Variants in SEMA6B observed in about 807,000 individuals in gnomAD.
SEMA6B encodes semaphorin-6B.
A neutral mutation model predicts 78.6 loss-of-function variants in SEMA6B; 47 were observed. The observed-to-expected ratio is 0.60, with a 90% CI of 0.47 to 0.76. The LOEUF is 0.76. Among genes scored for constraint, SEMA6B ranks in the 30% least tolerant of loss-of-function variants. SEMA6B has a pLI of 0.00. For missense variants in SEMA6B, 1,213 were observed against 1,269.9 expected (o/e 0.96, Z 0.68); for synonymous variants, 632 against 592.2 (o/e 1.07, Z -0.98).
chr19:4,546,616 T>C (rs1568253012), intron 14 of SEMA6B, 147 bp from the exon 15 acceptor site: 1 of 441,634 alleles, frequency 2.3e-6, no homozygotes, highest in Non-Finnish European at 3.9e-6. Flanking sequence ...ATTTCGCTCT[T>C]GTTGTTTATT....
chr19:4,542,668 A>C lies in SEMA6B; in HGVS notation c.*933T>G. On this transcript the variant is annotated 3_prime_UTR_variant, in exon 17 of 17. Transcript: ENST00000586582. ...TCCAGAGAGGGCAGAGGACCCAGCC[A>C]GCCACGTGGCATGCATGGTCAGCTG... 1 of 615,594 alleles carries C rather than the reference A, an allele frequency of 1.6e-6. No individual in the cohort carries two copies. The highest frequency in any genetic ancestry group is 3.0e-6 in the Non-Finnish European group (1 of 335,030). The allele number at this position is 615,594 out of a possible 1,614,324, so 38.1% of individuals were successfully genotyped here. A position where few individuals can be genotyped will look rare whatever the true frequency, so the allele number is the denominator to read the frequency against.
At position 4,552,451 on chromosome 19, in the gene SEMA6B, G is replaced by A. The variant is rs2145354185; in HGVS notation, c.960C>T (p.Val320=). Residue 320 remains valine (V), a synonymous_variant, in exon 10 of 17, where the codon GTC becomes GTT. Coordinates refer to ENST00000586582, the MANE Select transcript of SEMA6B (RefSeq NM_032108.4). This position sits in a 1 kb window ranked among gnomAD's most constrained non-coding sequence, Gnocchi z 7.4. ...GVVSLGGRPV[V]LAVFSTPSNS... is the part of the protein sequence containing the mutation. ...TGCTGGGCGTGGAAAAAACGGCCAG[G>A]ACCACGGGCCGGCCCCCGAGGCTGA... is the stretch of plus-strand genomic sequence containing the variant. The A allele has an allele frequency of 1.3e-6, 2 of 1,599,370 alleles. No homozygotes were observed. Among genetic ancestry groups the A allele is most frequent in the Non-Finnish European group, 1.7e-6 (2 of 1,173,756 alleles).
At position 4,552,613 on chromosome 19, in the gene SEMA6B, C is replaced by T; in HGVS notation, c.798G>A (p.Val266=). 6.2e-7 allele frequency: 1 copy of T among 1,610,770 alleles called. No individual in the cohort carries two copies. Among genetic ancestry groups the T allele is most frequent in the Non-Finnish European group, 8.5e-7 (1 of 1,178,568 alleles). Residue 266 remains valine, a synonymous_variant, in exon 10 of 17, where the codon GTG becomes GTA. Transcript: ENST00000586582. This position sits in a 1 kb window ranked among gnomAD's most constrained non-coding sequence, Gnocchi z 7.4. ...EKVVVSRVAR[V]CKNDVGGSPR... ...GGGAGCCTCCCACGTCGTTCTTGCA[C>T]ACTCGGGCCACGCGGGACACCACCA...
At chr19:4,546,934 A>T (rs1157873612) in intron 14 of SEMA6B, among the ~76,000 whole-genome samples, 5 of 145,538 alleles carry the variant, frequency 3.4e-5, no homozygotes, top group Non-Finnish European at 7.5e-5. Flanking sequence ...TTTTAAAATT[A>T]AAAAAATTTT....
In SEMA6B at chr19:4,546,385, G is replaced by C. The variant is rs377369790; in HGVS notation, c.1679+7C>G. The C allele has an allele frequency of 5.1e-6, 8 of 1,583,814 alleles. 1 individual carries two copies. The highest frequency in any genetic ancestry group is 5.2e-6 in the Non-Finnish European group (6 of 1,164,324). ...CACCCTCCACCCACCTCCCTCTCCC[G>C]CAGTACCTGGTGCCCGGGCTGAGGA... On this transcript the variant is annotated splice_region_variant and intron_variant, in intron 15 of 16. Coordinates refer to ENST00000586582, the MANE Select transcript of SEMA6B (RefSeq NM_032108.4).
At position 4,542,609 on chromosome 19, in the gene SEMA6B, T is replaced by G; in HGVS notation, c.*992A>C. The G allele has an allele frequency of 2.1e-6, 1 of 481,374 alleles. No individual in the cohort carries two copies. The highest frequency in any genetic ancestry group is 4.0e-5 in the East Asian group (1 of 24,700). 29.8% of individuals were successfully genotyped at this position (481,374 alleles called of 1,614,324 possible). On this transcript the variant is annotated 3_prime_UTR_variant, in exon 17 of 17. Coordinates refer to ENST00000586582, the MANE Select transcript of SEMA6B (RefSeq NM_032108.4). The stretch of plus-strand genomic sequence containing the variant: ...GGGGGCCGGTGGTTGTAAACAGAGT[T>G]TTATTGATGGGGAGGGGGCTGGGGG...
In SEMA6B at chr19:4,558,438, G is replaced by A; in HGVS notation, c.20C>T (p.Ser7Phe). MQTPRA[S>F]PPRPALLLLL... ...AAGCAGCAGGGCCGGGCGGGGAGGGGACGCTCGCGGGGTCTGCATGGCGAG... is the reference window on the plus strand; with the variant it reads ...AAGCAGCAGGGCCGGGCGGGGAGGGAACGCTCGCGGGGTCTGCATGGCGAG... The change falls in exon 2 of 17, where the codon TCC becomes TTC. Residue 7 changes from serine to phenylalanine, a missense_variant. Ser to Phe is a radical substitution (Grantham distance 155, BLOSUM62 -2). Transcript: ENST00000586582. This position sits in a 1 kb window ranked among gnomAD's most constrained non-coding sequence, Gnocchi z 5.1. The A allele has an allele frequency of 8.0e-7, 1 of 1,252,468 alleles. No homozygotes were observed. Among genetic ancestry groups the A allele is most frequent in the Admixed American group, 4.1e-5 (1 of 24,316 alleles). The allele number at this position is 1,252,468 out of a possible 1,614,324, so 77.6% of individuals were successfully genotyped here. A position where few individuals can be genotyped will look rare whatever the true frequency, so the allele number is the denominator to read the frequency against.
chr19:4,545,509 T>G (rs1977141634), intron 16 of SEMA6B, among the ~76,000 whole-genome samples: 1 of 152,034 alleles, frequency 6.6e-6, no homozygotes, highest in East Asian at 2.0e-4. Flanking sequence ...GGATTATTTT[T>G]GGGTTTTTGT....
At chr19:4,549,633 C>A (rs1365410962) in intron 12 of SEMA6B, among the ~76,000 whole-genome samples, 1 of 152,184 alleles carries the variant, frequency 6.6e-6, no homozygotes, top group South Asian at 2.1e-4. Context: ...CGCCTGCCAC[C>A]ACGCCCAGCT....
chr19:4,543,017 T>C lies in SEMA6B; in HGVS notation c.*584A>G. The C allele has an allele frequency of 2.9e-6, 2 of 691,518 alleles. No homozygotes were observed. The highest frequency in any genetic ancestry group is 5.3e-6 in the Non-Finnish European group (2 of 378,262). The allele number at this position is 691,518 out of a possible 1,614,324, so 42.8% of individuals were successfully genotyped here. On this transcript the variant is annotated 3_prime_UTR_variant, in exon 17 of 17. Coordinates refer to ENST00000586582, the MANE Select transcript of SEMA6B (RefSeq NM_032108.4). The stretch of plus-strand genomic sequence containing the variant: ...CTGGGGCCACCACGATCGTCGCTCG[T>C]GGACACACACCCTGCACGCGTGGCC...
Position 4,543,258 on chromosome 19 carries a change from C to T in SEMA6B, c.*343G>A. The T allele has an allele frequency of 3.8e-6, 2 of 523,962 alleles. No homozygotes were observed. The highest frequency in any genetic ancestry group is 5.8e-5 in the South Asian group (2 of 34,254). 32.5% of individuals were successfully genotyped at this position (523,962 alleles called of 1,614,324 possible). On this transcript the variant is annotated 3_prime_UTR_variant, in exon 17 of 17. Transcript: ENST00000586582. ...CGGCGTCCAAGCCTCCCCTGCCTGC[C>T]GCCACCCCGAGAACGGAGTTGTGCA...
Position 4,550,789 on chromosome 19 carries a change from G to A in SEMA6B, c.1121+10C>T. The A allele has an allele frequency of 1.2e-6, 2 of 1,613,114 alleles. No homozygotes were observed. Among genetic ancestry groups the A allele is most frequent in the Non-Finnish European group, 1.7e-6 (2 of 1,179,902 alleles). On this transcript the variant is annotated intron_variant, in intron 11 of 16. Coordinates refer to ENST00000586582, the MANE Select transcript of SEMA6B (RefSeq NM_032108.4). This position sits in a 1 kb window ranked among gnomAD's most constrained non-coding sequence, Gnocchi z 6.6. ...CCGGGCATGTGACTCAGGATGGAGG[G>A]GGTTCTCACCGGGGTCGAGGCACCT... is the stretch of plus-strand genomic sequence containing the variant.
In SEMA6B at chr19:4,559,532, G is replaced by A. The variant is rs955016657; in HGVS notation, c.-35C>T. 2.0e-5 allele frequency: 3 copies of A among 152,128 alleles called. No homozygotes were observed. The highest frequency in any genetic ancestry group is 7.2e-5 in the African/African-American group (3 of 41,402). 9.4% of individuals were successfully genotyped at this position (152,128 alleles called of 1,614,324 possible). A position where few individuals can be genotyped will look rare whatever the true frequency, so the allele number is the denominator to read the frequency against. On this transcript the variant is annotated splice_region_variant and 5_prime_UTR_variant, in exon 1 of 17. Transcript: ENST00000586582. ...TCCCAGTTCAGAGCACCCCCTACCA[G>A]AAAGGGGTACAGTCCAGGTCCCGGA...
intron 14 of SEMA6B, among the ~76,000 whole-genome samples, chr19:4,547,819 G>A (rs1030205303): frequency 6.7e-5 from 10 of 149,084 alleles, no homozygotes; most frequent in Non-Finnish European, 1.3e-4. Context: ...ACTCCCCCTT[G>A]CTCACTGTGC....
chr19:4,557,085 G>T, intron 4 of SEMA6B, 72 bp from the exon 5 acceptor site: 1 of 1,588,832 alleles, frequency 6.3e-7, no homozygotes, highest in Non-Finnish European at 8.6e-7. Flanking sequence ...GTGCTGGGCC[G>T]AATCCACCCA....
Position 4,550,029 on chromosome 19 carries a change from C to A in SEMA6B, c.1271+94G>T. The A allele has an allele frequency of 1.5e-6, 2 of 1,292,020 alleles. No individual in the cohort carries two copies. The highest frequency in any genetic ancestry group is 2.2e-6 in the Non-Finnish European group (2 of 920,138). The allele number at this position is 1,292,020 out of a possible 1,614,324, so 80.0% of individuals were successfully genotyped here. ...CAGCTCTCTGGGCAGCGCCGGAAGC[C>A]ATGGGCTCATCTGTGTTGAGCATCT... On this transcript the variant is annotated intron_variant, in intron 12 of 16. Transcript: ENST00000586582. This position sits in a 1 kb window ranked among gnomAD's most constrained non-coding sequence, Gnocchi z 6.6.
chr19:4,548,039 G>A lies in SEMA6B; in HGVS notation c.1589C>T (p.Ser530Leu), dbSNP rs1278976496. 35 of 1,565,488 alleles carry A rather than the reference G, an allele frequency of 2.2e-5. No homozygotes were observed. The highest frequency in any genetic ancestry group is 2.7e-5 in the Non-Finnish European group (31 of 1,159,054). The change falls in exon 14 of 17, where the codon TCG becomes TTG. Residue 530 changes from serine to leucine, a missense_variant. By Grantham distance (145) the Ser-to-Leu change is moderately radical. Coordinates refer to ENST00000586582, the MANE Select transcript of SEMA6B (RefSeq NM_032108.4). ...GGTGGACACTCACTTCATACACCCC[G>A]AGTACTGCTGGCAGCGAGCCACAGG... ...RVPVARCQQY[S>L]GCMKNCIGSQ...
In SEMA6B at chr19:4,556,816, G is replaced by A. The variant is rs113768059; in HGVS notation, c.369+135C>T. On this transcript the variant is annotated intron_variant, in intron 5 of 16. Transcript: ENST00000586582. ...TGGCCAGGGCTGGCAGTTGGGCGGG[G>A]CCAGGGCTGATTGGGGGTGGGTTGG... 80 of 757,112 alleles carry A rather than the reference G, an allele frequency of 1.1e-4. No individual in the cohort carries two copies. The African/African-American group carries it at 1.3e-3, about 12-fold the overall frequency. The allele number at this position is 757,112 out of a possible 1,614,324, so 46.9% of individuals were successfully genotyped here. A position where few individuals can be genotyped will look rare whatever the true frequency, so the allele number is the denominator to read the frequency against.
In SEMA6B at chr19:4,544,486, C is replaced by A; in HGVS notation, c.1782G>T (p.Val594=). 1 of 1,592,102 alleles carries A rather than the reference C, an allele frequency of 6.3e-7. No individual in the cohort carries two copies. ...ASLSEDRAGL[V]SVNLLVTSSV... The stretch of plus-strand genomic sequence containing the variant: ...ACGACGTTACCAGCAGGTTCACCGA[C>A]ACCAGCCCCGCGCGGTCCTCGGAGA... The change falls in exon 17 of 17, where the codon GTG becomes GTT. Residue 594 remains valine (V), a synonymous_variant. Transcript: ENST00000586582. The surrounding 1 kb of genome is among the most constrained non-coding windows in gnomAD (Gnocchi z 5.1).
Sources: allele counts gnomAD v4.1 joint callset (sites outside exome capture counted in the v4.1 genomes callset), GRCh38; gene constraint gnomAD v4.1.1; non-coding constraint Gnocchi (gnomAD v3.1); transcripts MANE v1.5; gene names NCBI Gene and HGNC (gene_info 2026-07-23, HGNC 2026-07-21).